HERC4: variants seen among roughly 807,000 people sequenced by gnomAD.
The protein encoded by HERC4 is HECT and RLD domain containing E3 ubiquitin protein ligase 4.
A neutral mutation model predicts 124.3 loss-of-function variants in HERC4; 28 were observed. The observed-to-expected ratio is 0.23, with a 90% confidence interval of 0.17 to 0.31. The LOEUF is 0.31. Ranked by LOEUF, HERC4 falls within the 10% of genes least tolerant of loss-of-function variation. The pLI is 1.00. For missense variants in HERC4, 713 were observed against 1,229.3 expected, an observed-to-expected ratio of 0.58 and a Z score of 6.28; for synonymous variants, 407 against 421.5, an observed-to-expected ratio of 0.97 and a Z score of 0.42.
intron 15 of HERC4, among the ~76,000 whole-genome samples, chr10:67,985,242 T>C (rs913183689): frequency 1.3e-5 from 2 of 152,226 alleles, no homozygotes; most frequent in Middle Eastern, 6.8e-3. Context: ...TCTCTCAATA[T>C]TGTAAGCTCA....
intron 23 of HERC4, among the ~76,000 whole-genome samples, chr10:67,927,282 T>A (rs2031094424): frequency 6.6e-6 from 1 of 150,584 alleles, no homozygotes; most frequent in Non-Finnish European, 1.5e-5. Context: ...CATGTCCTGA[T>A]TAAGAAAGAA....
At chr10:68,026,543 C>A (rs924479277) in intron 7 of HERC4, among the ~76,000 whole-genome samples, 1 of 151,322 alleles carries the variant, frequency 6.6e-6, no homozygotes, top group South Asian at 2.1e-4. Context: ...TCTGTCTCTA[C>A]TTAAAACACA....
chr10:67,984,896 G>C (rs918611801), intron 15 of HERC4, among the ~76,000 whole-genome samples: 9 of 151,880 alleles, frequency 5.9e-5, no homozygotes, highest in African/African-American at 2.2e-4. Flanking sequence ...GCCAAACCTA[G>C]TATTTCATAG....
chr10:68,018,993 CTTT>C (rs35817479), intron 8 of HERC4, among the ~76,000 whole-genome samples: 2 of 88,010 alleles, frequency 2.3e-5, no homozygotes, highest in Non-Finnish European at 2.1e-5. Context: ...AGCATTCTTT[CTTT>C]TTTTTTTTTT....
At chr10:67,963,074 G>A (rs969105508) in intron 16 of HERC4, among the ~76,000 whole-genome samples, 30 of 152,194 alleles carry the variant, frequency 2.0e-4, no homozygotes, top group Non-Finnish European at 4.4e-4. Flanking sequence ...AATATATGCT[G>A]AGGTGGGATT....
intron 14 of HERC4, 33 bp from the exon 15 acceptor site, chr10:67,988,868 GAATT>G (rs767574054): frequency 1.7e-4 from 261 of 1,530,508 alleles, no homozygotes; most frequent in Non-Finnish European, 2.2e-4. Context: ...CAAATAAAAT[GAATT>G]TTTTAAAAAA....
chr10:67,926,973 G>C (rs930507953), intron 23 of HERC4, among the ~76,000 whole-genome samples: 1 of 151,958 alleles, frequency 6.6e-6, no homozygotes, highest in East Asian at 1.9e-4. Context: ...TACATTATCC[G>C]GCACACAGTA....
At chr10:67,925,244 C>A in intron 23 of HERC4, 57 bp from the exon 24 acceptor site, 1 of 953,512 alleles carries the variant, frequency 1.0e-6, no homozygotes, top group Non-Finnish European at 1.6e-6. Flanking sequence ...AATATATTAG[C>A]ACATAAAGCT....
Position 68,044,414 on chromosome 10 carries a change from T to C in HERC4, c.376A>G (p.Arg126Gly). The change falls in exon 4 of 25, where the codon AGA becomes GGA. Residue 126 changes from arginine to glycine, a missense_variant. By Grantham distance (125) the Arg-to-Gly change is moderately radical (BLOSUM62 -2). Coordinates refer to ENST00000373700, the MANE Select transcript of HERC4 (RefSeq NM_015601.4). ...LGLVGSEECIRVPRNIKSLSD... is the reference protein window; with the variant it reads ...LGLVGSEECIGVPRNIKSLSD... ...GGTCACCTTTGTTACCTGGGTACTC[T>C]GATGCATTCCTCTGATCCTACCAGG... 1.2e-6 allele frequency: 2 copies of C among 1,612,414 alleles called. No individual in the cohort carries two copies. Among genetic ancestry groups the C allele is most frequent in the Non-Finnish European group, 1.7e-6 (2 of 1,179,566 alleles).
At position 68,033,949 on chromosome 10, in the gene HERC4, CATA is replaced by C; in HGVS notation, c.685+13_685+15del. ...TTTCAAAAAGTACACTTAAACTATACATAATGAGAACCTACCATTTTCATCATT... is the reference window on the plus strand; with the variant it reads ...TTTCAAAAAGTACACTTAAACTATACATGAGAACCTACCATTTTCATCATT... On this transcript the variant is annotated intron_variant, in intron 6 of 24. Transcript: ENST00000373700. 1 of 1,603,066 alleles carries C rather than the reference CATA, an allele frequency of 6.2e-7. No individual in the cohort carries two copies. The highest frequency in any genetic ancestry group is 8.5e-7 in the Non-Finnish European group (1 of 1,170,346).
Position 67,922,983 on chromosome 10 carries a change from C to T in HERC4, c.3098G>A (p.Arg1033His), listed in dbSNP as rs199939360. Reference protein sequence around the residue: ...LPKYTEKETLRSKLIQAIDHN... With the variant: ...LPKYTEKETLHSKLIQAIDHN... ...ATCAATAGCTTGGATCAGTTTAGAG[C>T]GTAGAGTTTCTTTTTCTGTATATTT... is the stretch of plus-strand genomic sequence containing the variant. Residue 1033 changes from arginine to histidine, a missense_variant, in exon 25 of 25, where the codon CGC (arginine) becomes CAC (histidine). Coordinates refer to ENST00000373700, the MANE Select transcript of HERC4 (RefSeq NM_015601.4). 2.0e-5 allele frequency: 33 copies of T among 1,613,746 alleles called. No individual in the cohort carries two copies. The highest frequency in any genetic ancestry group is 2.5e-5 in the Non-Finnish European group (30 of 1,179,744).
intron 15 of HERC4, among the ~76,000 whole-genome samples, chr10:67,971,728 G>C (rs963169436): frequency 6.9e-6 from 1 of 145,520 alleles, no homozygotes; most frequent in Non-Finnish European, 1.5e-5. Context: ...CTAAGATTAG[G>C]AACTAGGCAA....
At position 67,947,839 on chromosome 10, in the gene HERC4, C is replaced by CTTTTTTTTTT. The variant is rs34189806; in HGVS notation, c.2338-6744_2338-6735dup. On this transcript the variant is annotated intron_variant, in intron 19 of 24. Transcript: ENST00000373700. ...ACATATGGAAATTAAACAATACACT[C>CTTTTTTTTTT]TTTTTTTTTTTTTTTTTTTTTTTGT... 2.8e-3 allele frequency among the ~76,000 whole-genome samples: 299 copies of CTTTTTTTTTT among 107,304 alleles called. 1 individual carries two copies. Among genetic ancestry groups the CTTTTTTTTTT allele is most frequent in the African/African-American group, 3.4e-3 (90 of 26,460 alleles). The allele number at this position is 107,304 out of a possible 152,430, so 70.4% of individuals were successfully genotyped here. A position where few individuals can be genotyped will look rare whatever the true frequency, so the allele number is the denominator to read the frequency against.
chr10:67,973,942 G>C (rs1360604826), intron 15 of HERC4, among the ~76,000 whole-genome samples: 1 of 151,240 alleles, frequency 6.6e-6, no homozygotes, highest in East Asian at 1.9e-4. Flanking sequence ...AGCTACTCGG[G>C]AGGCTGAGGC....
chr10:68,000,872 A>G (rs2037189122), intron 9 of HERC4, among the ~76,000 whole-genome samples: 2 of 152,204 alleles, frequency 1.3e-5, no homozygotes, highest in Admixed American at 6.5e-5. Flanking sequence ...AAGCAACTCT[A>G]AATTCGGACT....
intron 8 of HERC4, 63 bp downstream of exon 8, chr10:68,025,483 A>C: frequency 6.7e-7 from 1 of 1,497,884 alleles, no homozygotes. Context: ...GAAACAATTC[A>C]ATAAGCAATC....
At chr10:68,025,793 G>T in intron 7 of HERC4, 117 bp from the exon 8 acceptor site, 1 of 961,448 alleles carries the variant, frequency 1.0e-6, no homozygotes, top group Non-Finnish European at 1.5e-6. Flanking sequence ...TCTAAGAACT[G>T]TCTTCACAAT....
chr10:67,927,951 C>T (rs1042554129), intron 23 of HERC4, among the ~76,000 whole-genome samples: 2 of 151,906 alleles, frequency 1.3e-5, no homozygotes, highest in African/African-American at 2.4e-5. Context: ...AATAAAACAG[C>T]GAGGGGAGAC....
chr10:67,932,742 T>C lies in HERC4; in HGVS notation c.2693A>G (p.Asn898Ser), dbSNP rs748352245. 5.6e-6 allele frequency: 9 copies of C among 1,604,812 alleles called. No individual in the cohort carries two copies. In the East Asian group the frequency reaches 6.7e-5, roughly 12 times the overall value. The change falls in exon 23 of 25, where the codon AAT becomes AGT. Residue 898 changes from asparagine to serine, a missense_variant. Coordinates refer to ENST00000373700, the MANE Select transcript of HERC4 (RefSeq NM_015601.4). Reference sequence around the variant, plus strand: ...ATCAAATAAGGAAGCCACTGATTTATTGAATATGTAATCCACATAAGCATC... The same window carrying C: ...ATCAAATAAGGAAGCCACTGATTTACTGAATATGTAATCCACATAAGCATC... ...FVDAYVDYIF[N>S]KSVASLFDAF...
Sources: gnomAD v4.1 joint callset for allele counts (sites outside exome capture counted in the v4.1 genomes callset) on GRCh38, gnomAD v4.1.1 for gene constraint, MANE v1.5 for transcripts, NCBI Gene and HGNC (gene_info 2026-07-23, HGNC 2026-07-21) for gene names.